The following MYH9 variants were observed in gnomAD, a reference collection of about 807,000 sequenced individuals.
The protein encoded by MYH9 is myosin-9.
In MYH9, 29 loss-of-function variants were observed where a neutral mutation model predicts 241.9. That is an observed-to-expected ratio of 0.12 (90% CI 0.09 to 0.16). The LOEUF is 0.16. Ranked by LOEUF, MYH9 falls within the 10% of genes least tolerant of loss-of-function variation. The probability of loss-of-function intolerance (pLI) is 1.00; values close to 1 mark genes in which losing one functional copy is unlikely to be tolerated. For missense variants in MYH9, 1,803 were observed against 2,595.5 expected, an observed-to-expected ratio of 0.69 and a Z score of 6.63; for synonymous variants, 1,047 against 1,062.6, an observed-to-expected ratio of 0.99 and a Z score of 0.29.
At chr22:36,339,875 A>G (rs908503640) in intron 3 of MYH9, among the ~76,000 whole-genome samples, 4 of 152,216 alleles carry the variant, frequency 2.6e-5, no homozygotes, top group African/African-American at 7.2e-5. Context: ...GTCTGTATCT[A>G]GGAGAGAAAA....
intron 1 of MYH9, among the ~76,000 whole-genome samples, chr22:36,372,007 A>T (rs1055343265): frequency 6.6e-6 from 1 of 152,196 alleles, no homozygotes; most frequent in South Asian, 2.1e-4. Flanking sequence ...CCCAGAACCT[A>T]GAACAGTCTC....
chr22:36,294,384 C>G, intron 27 of MYH9, 86 bp from the exon 28 acceptor site: 1 of 1,433,944 alleles, frequency 7.0e-7, no homozygotes, highest in Non-Finnish European at 9.7e-7. Context: ...TAGATCCAGA[C>G]ATCGCTGCTT....
chr22:36,369,112 C>T (rs994063671), intron 1 of MYH9, among the ~76,000 whole-genome samples: 2 of 152,186 alleles, frequency 1.3e-5, no homozygotes, highest in African/African-American at 4.8e-5. Flanking sequence ...ACTTTGAGGA[C>T]ATCAAGCCTC....
rs367544185 is a variant in MYH9 at position 36,322,544 on chromosome 22, G to C, written c.613-23C>G. 5.6e-5 allele frequency: 91 copies of C among 1,612,466 alleles called. No individual in the cohort carries two copies. The Middle Eastern group carries it at 6.6e-4, about 12-fold the overall frequency. On this transcript the variant is annotated intron_variant, in intron 5 of 40. Transcript: ENST00000216181. ...GCCCTGCAAGGAACCCAGGGACGCAGTGAAGGCCGGGCAGCGACCTGGGCT... is the reference window on the plus strand; with the variant it reads ...GCCCTGCAAGGAACCCAGGGACGCACTGAAGGCCGGGCAGCGACCTGGGCT...
intron 2 of MYH9, among the ~76,000 whole-genome samples, chr22:36,342,851 A>T (rs186945960): frequency 6.6e-6 from 1 of 152,370 alleles, no homozygotes; most frequent in East Asian, 1.9e-4. Flanking sequence ...ATGGAAGGTC[A>T]CAAGGCATTG....
At chr22:36,319,688 C>T in intron 9 of MYH9, 53 bp from the exon 10 acceptor site, 2 of 1,564,266 alleles carry the variant, frequency 1.3e-6, no homozygotes, top group Non-Finnish European at 1.8e-6. Context: ...ATGGTGATTC[C>T]CGGGGGTGGG....
intron 1 of MYH9, among the ~76,000 whole-genome samples, chr22:36,383,326 C>A (rs901444472): frequency 3.3e-5 from 5 of 152,176 alleles, no homozygotes; most frequent in African/African-American, 1.2e-4. Context: ...CCTGTATCAC[C>A]CTTTGGCTAT....
At chr22:36,325,179 A>G (rs1165563696) in intron 5 of MYH9, 2 of 730,708 alleles carry the variant, frequency 2.7e-6, no homozygotes, top group African/African-American at 3.5e-5. Context: ...AGAGAGAGAG[A>G]GACAGAGAGG....
intron 3 of MYH9, among the ~76,000 whole-genome samples, chr22:36,328,564 A>G (rs1440819236): frequency 6.6e-6 from 1 of 152,174 alleles, no homozygotes; most frequent in African/African-American, 2.4e-5. Context: ...TCTGCTACTA[A>G]CTCCCTTGCA....
intron 1 of MYH9, among the ~76,000 whole-genome samples, chr22:36,354,104 GT>G (rs1184379417): frequency 6.6e-6 from 1 of 151,966 alleles, no homozygotes; most frequent in Admixed American, 6.5e-5. Context: ...GTTTCACCAT[GT>G]TGGCCTGGCT....
Position 36,299,738 on chromosome 22 carries a change from A to G in MYH9, c.2976+389T>C, listed in dbSNP as rs1413462322. Among the ~76,000 whole-genome samples the G allele has an allele frequency of 1.3e-5, 2 of 152,222 alleles. 1 individual carries two copies. The highest frequency in any genetic ancestry group is 3.8e-4 in the East Asian group (2 of 5,196). On this transcript the variant is annotated intron_variant, in intron 23 of 40. Transcript: ENST00000216181. Reference sequence around the variant, plus strand: ...GGGACCCAACTCATTCTCAAGAGGAATAGCTGCCGCCCAGGGACAGTGGAG... The same window carrying G: ...GGGACCCAACTCATTCTCAAGAGGAGTAGCTGCCGCCCAGGGACAGTGGAG...
rs772276086 is a variant in MYH9, at chr22:36,285,076, T to G, written c.5483+45A>C. On this transcript the variant is annotated intron_variant, in intron 38 of 40. Transcript: ENST00000216181. The surrounding 1 kb of genome is among the most constrained non-coding windows in gnomAD (Gnocchi z 7.0). The stretch of plus-strand genomic sequence containing the variant: ...GGGCAGGACTGCAGGGGGGCCAGAG[T>G]TTTTTCCAGGACAGCTGGGGTTGGG... 6.3e-7 allele frequency: 1 copy of G among 1,591,828 alleles called. No homozygotes were observed. Among genetic ancestry groups the G allele is most frequent in the Non-Finnish European group, 8.6e-7 (1 of 1,165,230 alleles).
At position 36,318,291 on chromosome 22, in the gene MYH9, A is replaced by G. The variant is rs755725741; in HGVS notation, c.1143T>C (p.Asn381=). The change falls in exon 11 of 41, where the codon AAT becomes AAC. Residue 381 remains asparagine, a synonymous_variant. Transcript: ENST00000216181. ...AQKVSHLLGI[N]VTDFTRGILT... ...GGATTCCTCTGGTGAAATCGGTCAC[A>G]TTGATACCCAAGAGATGGGACACCT... is the stretch of plus-strand genomic sequence containing the variant. 6.2e-7 allele frequency: 1 copy of G among 1,614,220 alleles called. No individual in the cohort carries two copies. The highest frequency in any genetic ancestry group is 1.7e-5 in the Admixed American group (1 of 60,036).
At position 36,349,248 on chromosome 22, in the gene MYH9, G is replaced by C; in HGVS notation, c.-12C>G. ...GCTTGCTGTGCCATGGTGACTTATA[G>C]CCAGGACCTAAGCGGGGAGGAGAAG... is the stretch of plus-strand genomic sequence containing the variant. On this transcript the variant is annotated 5_prime_UTR_variant, in exon 2 of 41. Coordinates refer to ENST00000216181, the MANE Select transcript of MYH9 (RefSeq NM_002473.6). 1 of 1,613,480 alleles carries C rather than the reference G, an allele frequency of 6.2e-7. No homozygotes were observed. The highest frequency in any genetic ancestry group is 8.5e-7 in the Non-Finnish European group (1 of 1,179,572).
At chr22:36,314,059 C>T in intron 13 of MYH9, 86 bp downstream of exon 13, 1 of 1,508,424 alleles carries the variant, frequency 6.6e-7, no homozygotes, top group Non-Finnish European at 9.2e-7. Context: ...ACCTCCACAA[C>T]CAACACAGAG....
Position 36,285,036 on chromosome 22 carries a change from T to C in MYH9, c.5483+85A>G, listed in dbSNP as rs1486447431. ...CCAGGCTCAGGAGACAGAGAGCTGG[T>C]TGTGGCCCAGATTTGGGCAGGACTG... is the stretch of plus-strand genomic sequence containing the variant. On this transcript the variant is annotated intron_variant, in intron 38 of 40. Coordinates refer to ENST00000216181, the MANE Select transcript of MYH9 (RefSeq NM_002473.6). The surrounding 1 kb of genome is among the most constrained non-coding windows in gnomAD (Gnocchi z 7.0). 6.3e-6 allele frequency: 8 copies of C among 1,265,326 alleles called. No homozygotes were observed. Among genetic ancestry groups the C allele is most frequent in the South Asian group, 1.3e-5 (1 of 79,948 alleles). 78.4% of individuals were successfully genotyped at this position (1,265,326 alleles called of 1,614,324 possible).
At chr22:36,339,716 A>C (rs556508929) in intron 3 of MYH9, among the ~76,000 whole-genome samples, 2 of 152,356 alleles carry the variant, frequency 1.3e-5, no homozygotes, top group South Asian at 4.1e-4. Context: ...AGTTTAAAGA[A>C]AAAAGGATCC....
chr22:36,289,757 A>G lies in MYH9; in HGVS notation c.4345-460T>C, dbSNP rs554555797. Among the ~76,000 whole-genome samples the G allele has an allele frequency of 2.6e-5, 4 of 152,178 alleles. No homozygotes were observed. In the East Asian group the frequency reaches 7.7e-4, roughly 29 times the overall value. On this transcript the variant is annotated intron_variant, in intron 31 of 40. Coordinates refer to ENST00000216181, the MANE Select transcript of MYH9 (RefSeq NM_002473.6). ...CCCCTGGCATCTGTTCTCTGTGTGC[A>G]CCCACCTGGCTCTATCCTATTTCCC...
Position 36,353,080 on chromosome 22 carries a change from T to C in MYH9, c.-19-3825A>G, listed in dbSNP as rs565846622. Reference sequence around the variant, plus strand: ...GCTGCAGCAGAGCTGCTGTTTCCACTCGTATCCTGTGCCTCTGGGGGCGTG... The same window carrying C: ...GCTGCAGCAGAGCTGCTGTTTCCACCCGTATCCTGTGCCTCTGGGGGCGTG... On this transcript the variant is annotated intron_variant, in intron 1 of 40. Transcript: ENST00000216181. Among the ~76,000 whole-genome samples the C allele has an allele frequency of 2.4e-3, 358 of 150,602 alleles. 5 individuals carry two copies. The highest frequency in any genetic ancestry group is 8.5e-3 in the African/African-American group (346 of 40,588).
Sources: gnomAD v4.1 joint callset for allele counts (sites outside exome capture counted in the v4.1 genomes callset) on GRCh38, gnomAD v4.1.1 for gene constraint, Gnocchi (gnomAD v3.1) non-coding constraint, MANE v1.5 for transcripts, NCBI Gene and HGNC (gene_info 2026-07-23, HGNC 2026-07-21) for gene names.